Variants in KLF8 observed in about 807,000 individuals in gnomAD.
The protein encoded by KLF8 is KLF transcription factor 8.
KLF8 carries 10 observed loss-of-function variants against 18.2 expected under a neutral mutation model. The ratio of observed to expected loss-of-function variants is 0.55; its 90% confidence interval spans 0.34 to 0.93. The LOEUF is 0.93. Among genes scored for constraint, KLF8 ranks in the 40% least tolerant of loss-of-function variants. The probability of loss-of-function intolerance (pLI) is 0.02; values close to 1 mark genes in which losing one functional copy is unlikely to be tolerated. For synonymous variants in KLF8, 109 were observed against 97.3 expected (o/e 1.12, Z -0.71); for missense variants, 264 against 277.9 (o/e 0.95, Z 0.36).
chrX:56,162,318 T>C, the KLF8 span, among the ~76,000 whole-genome samples: 1 of 112,114 alleles, frequency 8.9e-6, no homozygotes, highest in Non-Finnish European at 1.9e-5. Context: ...GACATTTAAT[T>C]CTGCAGAGTT....
chrX:56,170,425 A>C, the KLF8 span, among the ~76,000 whole-genome samples: 1 of 110,573 alleles, frequency 9.0e-6, no homozygotes, highest in East Asian at 2.9e-4. Context: ...GACAAAACTC[A>C]AAAAAGTTCA....
the KLF8 span, among the ~76,000 whole-genome samples, chrX:55,947,646 A>G: frequency 9.0e-6 from 1 of 111,140 alleles, no homozygotes; most frequent in Non-Finnish European, 1.9e-5. Context: ...GTAATAAAAA[A>G]AATGCAATAG....
the KLF8 span, among the ~76,000 whole-genome samples, chrX:56,128,661 T>C: frequency 9.0e-6 from 1 of 111,705 alleles, no homozygotes; most frequent in South Asian, 3.7e-4. Context: ...CTTTTAAAGG[T>C]TTTGCACCCA....
chrX:55,942,765 G>A, the KLF8 span, among the ~76,000 whole-genome samples: 2 of 111,891 alleles, frequency 1.8e-5, no homozygotes, highest in East Asian at 2.8e-4. Context: ...GAGCATGTCC[G>A]ACAGAGAAGC....
At chrX:56,192,630 A>T in the KLF8 span, among the ~76,000 whole-genome samples, 1 of 112,084 alleles carries the variant, frequency 8.9e-6, no homozygotes, top group Non-Finnish European at 1.9e-5. Flanking sequence ...AGACCGGTGG[A>T]AAAGAATGCA....
chrX:55,935,500 G>T, the KLF8 span, among the ~76,000 whole-genome samples: 1 of 112,211 alleles, frequency 8.9e-6, no homozygotes, highest in African/African-American at 3.2e-5. Flanking sequence ...AGGAGACTTT[G>T]TTTCAAGAAT....
chrX:56,187,474 A>G, the KLF8 span, among the ~76,000 whole-genome samples: 1 of 111,954 alleles, frequency 8.9e-6, no homozygotes, highest in South Asian at 3.8e-4. Flanking sequence ...TTCCTTCTGA[A>G]ACTATTCCAA....
At chrX:55,985,214 A>C in the KLF8 span, among the ~76,000 whole-genome samples, 1 of 111,491 alleles carries the variant, frequency 9.0e-6, no homozygotes, top group Non-Finnish European at 1.9e-5. Context: ...CTATGTCCTG[A>C]ATGGTATTGC....
At chrX:55,998,198 G>A in the KLF8 span, among the ~76,000 whole-genome samples, 8 of 112,051 alleles carry the variant, frequency 7.1e-5, no homozygotes, top group Non-Finnish European at 1.3e-4. Flanking sequence ...ACGTACAATC[G>A]GGTTTTATAC....
chrX:56,140,975 A>AT, the KLF8 span, among the ~76,000 whole-genome samples: 1 of 110,742 alleles, frequency 9.0e-6, no homozygotes, highest in Non-Finnish European at 1.9e-5. Flanking sequence ...TTTGTTAACA[A>AT]TTTTTTGTTT....
chrX:56,062,238 A>G, the KLF8 span, among the ~76,000 whole-genome samples: 1 of 110,244 alleles, frequency 9.1e-6, no homozygotes, highest in South Asian at 3.8e-4. Context: ...TTGTTAGTTG[A>G]TGCAGTTTCT....
At chrX:55,920,663 G>GAAC in the KLF8 span, among the ~76,000 whole-genome samples, 1 of 107,850 alleles carries the variant, frequency 9.3e-6, no homozygotes, top group Non-Finnish European at 1.9e-5. Context: ...CAAACAAGCA[G>GAAC]AAAGAACTTC....
the KLF8 span, among the ~76,000 whole-genome samples, chrX:55,985,160 C>T: frequency 1.8e-5 from 2 of 111,006 alleles, no homozygotes; most frequent in Admixed American, 9.6e-5. Context: ...TTGCTTTTGT[C>T]GCAATTGCTC....
chrX:56,122,006 G>A, the KLF8 span, among the ~76,000 whole-genome samples: 1 of 111,275 alleles, frequency 9.0e-6, no homozygotes, highest in East Asian at 2.8e-4. Flanking sequence ...CATAATTTTT[G>A]TTATCATTAA....
the KLF8 span, among the ~76,000 whole-genome samples, chrX:56,196,197 C>T: frequency 5.4e-5 from 6 of 111,367 alleles, no homozygotes; most frequent in Admixed American, 9.6e-5. Flanking sequence ...AACCAACTAA[C>T]ATCATAATGA....
chrX:56,259,351 A>G (rs1169311257), intron 2 of KLF8, among the ~76,000 whole-genome samples: 2 of 111,107 alleles, frequency 1.8e-5, no homozygotes, highest in Non-Finnish European at 3.8e-5. Flanking sequence ...CAATATTTCC[A>G]TGATACTATC....
chrX:56,036,461 G>A, the KLF8 span, among the ~76,000 whole-genome samples: 1 of 111,609 alleles, frequency 9.0e-6, no homozygotes, highest in South Asian at 3.7e-4. Context: ...AATGTTCTTG[G>A]CATCTTTGTC....
At chrX:56,079,933 G>A in the KLF8 span, among the ~76,000 whole-genome samples, 1 of 110,741 alleles carries the variant, frequency 9.0e-6, no homozygotes, top group Admixed American at 9.6e-5. Flanking sequence ...GATCTTTGTT[G>A]GTTTAAAGTC....
At chrX:56,122,705 C>T in the KLF8 span, among the ~76,000 whole-genome samples, 1 of 111,012 alleles carries the variant, frequency 9.0e-6, no homozygotes. Context: ...TGTACCTATG[C>T]TTTCTTTTTC....
Sources: gnomAD v4.1 joint callset for allele counts (sites outside exome capture counted in the v4.1 genomes callset) on GRCh38, gnomAD v4.1.1 for gene constraint, MANE v1.5 for transcripts, NCBI Gene and HGNC (gene_info 2026-07-23, HGNC 2026-07-21) for gene names.